Variants in RSRC1 observed in about 807,000 individuals in gnomAD.
The protein encoded by RSRC1 is arginine and serine rich coiled-coil 1, also known as serine/Arginine-related protein 53.
Under a neutral mutation model 49.1 loss-of-function variants are expected in RSRC1, and 39 were observed. That is an observed-to-expected ratio of 0.79 (90% CI 0.61 to 1.04). RSRC1 has a LOEUF of 1.04. RSRC1 is among the 50% of genes least tolerant of loss of function. RSRC1 has a pLI of 0.00. For missense variants in RSRC1, 388 were observed against 402.4 expected, an observed-to-expected ratio of 0.96 and a Z score of 0.31; for synonymous variants, 143 against 130.8, an observed-to-expected ratio of 1.09 and a Z score of -0.63.
chr3:158,346,147 T>G (rs1730543389), intron 5 of RSRC1, among the ~76,000 whole-genome samples: 1 of 152,110 alleles, frequency 6.6e-6, no homozygotes, highest in African/African-American at 2.4e-5. Context: ...AAAAGCCTGA[T>G]TCCTAAAAGA....
chr3:158,184,190 G>GC (rs1054845800), intron 3 of RSRC1, among the ~76,000 whole-genome samples: 4 of 151,670 alleles, frequency 2.6e-5, no homozygotes, highest in Non-Finnish European at 5.9e-5. Context: ...TTACTAGGTT[G>GC]CCTTTGTTTC....
intron 3 of RSRC1, among the ~76,000 whole-genome samples, chr3:158,165,591 C>T (rs928409591): frequency 2.0e-5 from 3 of 152,226 alleles, no homozygotes; most frequent in African/African-American, 7.2e-5. Flanking sequence ...AGCTTAAATG[C>T]ATTTTCTTGT....
chr3:158,452,447 G>T (rs1306971476), intron 6 of RSRC1, among the ~76,000 whole-genome samples: 1 of 152,148 alleles, frequency 6.6e-6, no homozygotes, highest in Admixed American at 6.6e-5. Context: ...GTTCTTACAT[G>T]TATTTTGATG....
intron 1 of RSRC1, among the ~76,000 whole-genome samples, 190 bp from the exon 2 acceptor site, chr3:158,121,913 A>C (rs1212468403): frequency 6.6e-6 from 1 of 152,012 alleles, no homozygotes; most frequent in East Asian, 1.9e-4. Context: ...GGCTTGGGGG[A>C]AGGATCGCTG....
At chr3:158,475,686 G>A (rs976758436) in intron 7 of RSRC1, among the ~76,000 whole-genome samples, 4 of 151,688 alleles carry the variant, frequency 2.6e-5, no homozygotes, top group Admixed American at 6.6e-5. Context: ...ATAGGTAAGC[G>A]TTGTGTGTGT....
intron 6 of RSRC1, among the ~76,000 whole-genome samples, chr3:158,417,727 T>C (rs1734821201): frequency 6.6e-6 from 1 of 151,314 alleles, no homozygotes; most frequent in African/African-American, 2.4e-5. Context: ...AAAATTTTTA[T>C]ACAGATTTAT....
At chr3:158,457,741 T>TTTG (rs1491467536) in intron 6 of RSRC1, among the ~76,000 whole-genome samples, 4,262 of 104,178 alleles carry the variant, frequency 0.041, 94 homozygotes, top group East Asian at 0.11. Context: ...TTTTTTTTTG[T>TTTG]TTTTTTTTTT....
intron 5 of RSRC1, among the ~76,000 whole-genome samples, chr3:158,320,250 A>G (rs921352745): frequency 2.0e-5 from 3 of 152,202 alleles, no homozygotes; most frequent in Non-Finnish European, 4.4e-5. Context: ...GATATCAGGG[A>G]CGGAGATCTG....
intron 7 of RSRC1, among the ~76,000 whole-genome samples, chr3:158,486,899 G>C (rs951556132): frequency 1.3e-5 from 2 of 152,232 alleles, no homozygotes; most frequent in South Asian, 4.1e-4. Context: ...TTTTTACTGT[G>C]TTACAACCAA....
intron 4 of RSRC1, among the ~76,000 whole-genome samples, chr3:158,279,598 T>G (rs1476998953): frequency 6.6e-6 from 1 of 152,244 alleles, no homozygotes; most frequent in Non-Finnish European, 1.5e-5. Context: ...AGGTGAAAAC[T>G]ACCATAAATT....
intron 3 of RSRC1, among the ~76,000 whole-genome samples, chr3:158,189,366 C>T (rs1262739541): frequency 6.6e-6 from 1 of 151,860 alleles, no homozygotes; most frequent in Non-Finnish European, 1.5e-5. Context: ...TCTAAATTTA[C>T]GTTACAAATC....
intron 3 of RSRC1, among the ~76,000 whole-genome samples, chr3:158,141,811 T>C (rs373930976): frequency 6.6e-6 from 1 of 152,160 alleles, no homozygotes; most frequent in Non-Finnish European, 1.5e-5. Context: ...TATCTAAGAT[T>C]TCTCGGCCAG....
At chr3:158,367,421 T>G (rs565812861) in intron 6 of RSRC1, among the ~76,000 whole-genome samples, 2 of 152,348 alleles carry the variant, frequency 1.3e-5, no homozygotes, top group Non-Finnish European at 2.9e-5. Context: ...TGGTTCTGTT[T>G]ATGTGATGGA....
intron 7 of RSRC1, among the ~76,000 whole-genome samples, chr3:158,513,131 G>A (rs2108476717): frequency 6.7e-6 from 1 of 148,358 alleles, no homozygotes; most frequent in African/African-American, 2.5e-5. Context: ...TAATTGCCCT[G>A]GGCAGCACTT....
At chr3:158,370,052 C>T (rs2108265177) in intron 6 of RSRC1, among the ~76,000 whole-genome samples, 1 of 151,726 alleles carries the variant, frequency 6.6e-6, no homozygotes, top group East Asian at 1.9e-4. Context: ...TTTAAAAGCT[C>T]CTGAATGGTG....
chr3:158,336,592 G>A (rs1036195297), intron 5 of RSRC1: 6 of 152,152 alleles, frequency 3.9e-5, no homozygotes, highest in Non-Finnish European at 7.3e-5. Flanking sequence ...TTTGGTTCTT[G>A]GTGGTGTGAA....
chr3:158,386,701 A>C (rs974721529), intron 6 of RSRC1, among the ~76,000 whole-genome samples: 1 of 152,066 alleles, frequency 6.6e-6, no homozygotes, highest in African/African-American at 2.4e-5. Context: ...AGAGTTTACA[A>C]GGCAGAAATG....
chr3:158,235,453 GA>G (rs1451843787), intron 4 of RSRC1, among the ~76,000 whole-genome samples: 1 of 151,988 alleles, frequency 6.6e-6, no homozygotes, highest in Admixed American at 6.6e-5. Flanking sequence ...TACTAGGAAA[GA>G]AAAAAACAGT....
chr3:158,229,368 G>A (rs528092322), intron 4 of RSRC1, among the ~76,000 whole-genome samples: 6 of 107,104 alleles, frequency 5.6e-5, no homozygotes, highest in Non-Finnish European at 6.4e-5. Context: ...ATATACACAC[G>A]TATATGTGTA....
Sources: gnomAD v4.1 joint callset for allele counts (sites outside exome capture counted in the v4.1 genomes callset) on GRCh38, gnomAD v4.1.1 for gene constraint, MANE v1.5 for transcripts, NCBI Gene and HGNC (gene_info 2026-07-23, HGNC 2026-07-21) for gene names.